LAMA3: variants seen among roughly 807,000 people sequenced by gnomAD.
The protein encoded by LAMA3 is laminin subunit alpha-3.
Under a neutral mutation model 402.0 loss-of-function variants are expected in LAMA3, and 281 were observed. That is an observed-to-expected ratio of 0.70 (90% CI 0.63 to 0.77). The LOEUF (loss-of-function observed/expected upper bound fraction) is 0.77, where lower values mean the gene tolerates loss of function less well. LAMA3 is among the 30% of genes least tolerant of loss of function. The pLI, the probability that LAMA3 is intolerant of heterozygous loss-of-function variation, is 0.00. For synonymous variants in LAMA3, 1,431 were observed against 1,558.4 expected (o/e 0.92, Z 1.93); for missense variants, 3,840 against 4,215.5 (o/e 0.91, Z 2.47).
Position 23,858,814 on chromosome 18 carries a change from T to A in LAMA3, c.4407T>A (p.His1469Gln). ...FGVNNQCHSSHKRRTKFVDML... is the reference protein window; with the variant it reads ...FGVNNQCHSSQKRRTKFVDML... Reference sequence around the variant, plus strand: ...TAAATAATCAATGTCACAGCTCACATAAGCGAAGGACTAAGGTATGCATTG... The same window carrying A: ...TAAATAATCAATGTCACAGCTCACAAAAGCGAAGGACTAAGGTATGCATTG... The change falls in exon 34 of 75, where the codon CAT becomes CAA. Residue 1469 changes from histidine (H) to glutamine (Q), a missense_variant. Physicochemically the swap from His to Gln is conservative, Grantham distance 24. This residue lies in a region of LAMA3 where 2,109 missense variants were observed against 2,376.0 expected (regional missense o/e 0.89). Transcript: ENST00000313654. 6 of 1,614,206 alleles carry A rather than the reference T, an allele frequency of 3.7e-6. No individual in the cohort carries two copies. The highest frequency in any genetic ancestry group is 5.1e-6 in the Non-Finnish European group (6 of 1,180,010).
At position 23,909,191 on chromosome 18, in the gene LAMA3, A is replaced by G. The variant is rs765104557; in HGVS notation, c.7054A>G (p.Lys2352Glu). 1 of 1,614,064 alleles carries G rather than the reference A, an allele frequency of 6.2e-7. No homozygotes were observed. Among genetic ancestry groups the G allele is most frequent in the East Asian group, 2.2e-5 (1 of 44,886 alleles). The stretch of plus-strand genomic sequence containing the variant: ...CAACAAACTACCTGATCTTTGGCGC[A>G]AGATTGAAAGTATCAACCAACAGCT... ...LTNKLPDLWRKIESINQQLLP... is the reference protein window; with the variant it reads ...LTNKLPDLWREIESINQQLLP... The change falls in exon 55 of 75, where the codon AAG becomes GAG. Residue 2352 changes from lysine (K) to glutamate (E), a missense_variant. By Grantham distance (56) the Lys-to-Glu change is moderately conservative. Coordinates refer to ENST00000313654, the MANE Select transcript of LAMA3 (RefSeq NM_198129.4).
Position 23,912,821 on chromosome 18 carries a change from C to G in LAMA3, c.7269C>G (p.Pro2423=), listed in dbSNP as rs1376436195. Residue 2423 remains proline (P), a synonymous_variant, in exon 56 of 75, where the codon CCC becomes CCG. Transcript: ENST00000313654. ...YTSLSLFLQR[P]NSRENGGTEN... ...CTCTGTCCTTGTTTCTCCAAAGGCC[C>G]AACTCAAGAGAAAATGGGGGTACTG... 1 of 1,613,828 alleles carries G rather than the reference C, an allele frequency of 6.2e-7. No individual in the cohort carries two copies. Among genetic ancestry groups the G allele is most frequent in the Non-Finnish European group, 8.5e-7 (1 of 1,179,822 alleles).
rs746528561 is a variant in LAMA3, at chr18:23,846,505, A to G, written c.3928A>G (p.Lys1310Glu). The change falls in exon 31 of 75, where the codon AAG (lysine) becomes GAG (glutamate). Residue 1310 changes from lysine (K) to glutamate (E), a missense_variant. By Grantham distance (56) the Lys-to-Glu change is moderately conservative (BLOSUM62 1). Around this residue, in one of 3 missense-constraint regions of LAMA3, gnomAD observed 2,109 missense variants for 2,376.0 expected, o/e 0.89. Coordinates refer to ENST00000313654, the MANE Select transcript of LAMA3 (RefSeq NM_198129.4). ...ATGHYGFPRC[K>E]PCSCGRRLCE... Reference sequence around the variant, plus strand: ...AGGCCACTACGGATTCCCACGCTGCAAGCGTAAGTGCACGTTTCCCATCAC... The same window carrying G: ...AGGCCACTACGGATTCCCACGCTGCGAGCGTAAGTGCACGTTTCCCATCAC... 2 of 1,606,530 alleles carry G rather than the reference A, an allele frequency of 1.2e-6. No individual in the cohort carries two copies. Among genetic ancestry groups the G allele is most frequent in the Admixed American group, 3.3e-5 (2 of 59,986 alleles).
intron 12 of LAMA3, among the ~76,000 whole-genome samples, chr18:23,797,607 C>T (rs1457783595): frequency 3.3e-5 from 5 of 151,880 alleles, no homozygotes; most frequent in South Asian, 2.1e-4. Flanking sequence ...CCCAGCTACT[C>T]GGGAGGCTGA....
chr18:23,947,345 T>G (rs2082743561), intron 70 of LAMA3, among the ~76,000 whole-genome samples: 1 of 152,170 alleles, frequency 6.6e-6, no homozygotes, highest in Non-Finnish European at 1.5e-5. Context: ...ACAGCTCAGG[T>G]CTAGGGACTG....
intron 12 of LAMA3, among the ~76,000 whole-genome samples, chr18:23,791,715 C>A (rs2062657992): frequency 7.4e-6 from 1 of 135,874 alleles, no homozygotes; most frequent in Non-Finnish European, 1.5e-5. Flanking sequence ...GCCTGAACAT[C>A]ACAGACTGAG....
chr18:23,751,333 T>C lies in LAMA3; in HGVS notation c.855+245T>C, dbSNP rs575953292. On this transcript the variant is annotated intron_variant, in intron 5 of 74. Coordinates refer to ENST00000313654, the MANE Select transcript of LAMA3 (RefSeq NM_198129.4). ...AGGCAAATGATTATAGTCAGCCTGG[T>C]ACTAGTCTGGATGGGATAATTAATA... Among the ~76,000 whole-genome samples the C allele has an allele frequency of 3.8e-3, 582 of 152,284 alleles. 1 individual carries two copies. The highest frequency in any genetic ancestry group is 0.014 in the Middle Eastern group (4 of 294).
At chr18:23,779,999 T>C (rs1223433047) in intron 11 of LAMA3, among the ~76,000 whole-genome samples, 1 of 152,180 alleles carries the variant, frequency 6.6e-6, no homozygotes, top group African/African-American at 2.4e-5. Flanking sequence ...CACGTTGGCT[T>C]AGAGACCTGC....
At chr18:23,800,512 G>T (rs111864624) in intron 12 of LAMA3, among the ~76,000 whole-genome samples, 1 of 152,060 alleles carries the variant, frequency 6.6e-6, no homozygotes, top group African/African-American at 2.4e-5. Flanking sequence ...CTATCACCTC[G>T]AACATTCATT....
intron 54 of LAMA3, among the ~76,000 whole-genome samples, chr18:23,908,312 C>T (rs927681182): frequency 6.6e-6 from 1 of 151,832 alleles, no homozygotes; most frequent in South Asian, 2.1e-4. Context: ...GGGTGGATCA[C>T]GAGGTCAGGA....
chr18:23,840,341 A>G (rs1220064285), intron 27 of LAMA3, among the ~76,000 whole-genome samples: 1 of 150,782 alleles, frequency 6.6e-6, no homozygotes, highest in Non-Finnish European at 1.5e-5. Context: ...TTGGATCATA[A>G]GACTTTTAGA....
intron 65 of LAMA3, 114 bp from the exon 66 acceptor site, chr18:23,932,046 A>C (rs2082175828): frequency 8.0e-7 from 1 of 1,245,206 alleles, no homozygotes; most frequent in East Asian, 2.3e-5. Context: ...TAGTTTCACT[A>C]GTTATTTTAG....
chr18:23,791,103 C>G (rs1338045031), intron 12 of LAMA3, among the ~76,000 whole-genome samples: 2 of 151,988 alleles, frequency 1.3e-5, no homozygotes, highest in African/African-American at 4.8e-5. Flanking sequence ...GTCTCAATCT[C>G]CTGACCTCGT....
intron 62 of LAMA3, among the ~76,000 whole-genome samples, chr18:23,926,795 T>A (rs561802097): frequency 6.0e-4 from 92 of 152,338 alleles, no homozygotes; most frequent in Admixed American, 2.5e-3. Context: ...GGAAATGCCC[T>A]GGGGCCATGT....
intron 62 of LAMA3, among the ~76,000 whole-genome samples, chr18:23,924,110 A>T (rs1192723384): frequency 1.3e-5 from 2 of 151,874 alleles, no homozygotes; most frequent in African/African-American, 4.8e-5. Flanking sequence ...CCACCCCCAG[A>T]ATTCTGGGGT....
chr18:23,784,402 A>G (rs2062499014), intron 12 of LAMA3, among the ~76,000 whole-genome samples: 1 of 152,110 alleles, frequency 6.6e-6, no homozygotes, highest in Admixed American at 6.5e-5. Context: ...TTTGGGTTCA[A>G]ATCCTGGCTC....
intron 2 of LAMA3, among the ~76,000 whole-genome samples, chr18:23,746,992 A>G (rs1165153296): frequency 1.3e-5 from 2 of 151,560 alleles, no homozygotes; most frequent in African/African-American, 2.4e-5. Flanking sequence ...AGCACTCCCT[A>G]CTCCCCAACT....
At chr18:23,772,230 C>T (rs189411703) in intron 8 of LAMA3, among the ~76,000 whole-genome samples, 155 of 152,172 alleles carry the variant, frequency 1.0e-3, no homozygotes, top group Middle Eastern at 3.4e-3. Context: ...TTAGCAGAGA[C>T]GGGGTTTCAC....
chr18:23,694,462 C>G (rs926299094), intron 1 of LAMA3, among the ~76,000 whole-genome samples: 3 of 152,172 alleles, frequency 2.0e-5, no homozygotes, highest in Admixed American at 6.5e-5. Context: ...TGATGCTTGG[C>G]ACAGGTCTAA....
Sources: allele counts gnomAD v4.1 joint callset (sites outside exome capture counted in the v4.1 genomes callset), GRCh38; gene constraint gnomAD v4.1.1; regional missense constraint gnomAD v4.1.1; transcripts MANE v1.5; gene names NCBI Gene and HGNC (gene_info 2026-07-23, HGNC 2026-07-21).